Variants in UHRF2 observed in about 807,000 individuals in gnomAD.
UHRF2 encodes ubiquitin like with PHD and ring finger domains 2.
A neutral mutation model predicts 96.8 loss-of-function variants in UHRF2; 23 were observed. The ratio of observed to expected loss-of-function variants is 0.24; its 90% CI spans 0.17 to 0.34. The LOEUF is 0.34. Among genes scored for constraint, UHRF2 ranks in the 10% least tolerant of loss-of-function variants. UHRF2 has a pLI of 1.00. For missense variants in UHRF2, 685 were observed against 981.5 expected, an observed-to-expected ratio of 0.70 and a Z score of 4.04; for synonymous variants, 385 against 332.6, an observed-to-expected ratio of 1.16 and a Z score of -1.72.
At chr9:6,503,958 C>G (rs1395132877) in intron 14 of UHRF2, among the ~76,000 whole-genome samples, 1 of 142,868 alleles carries the variant, frequency 7.0e-6, no homozygotes, top group Non-Finnish European at 1.5e-5. Flanking sequence ...CTTTATATAA[C>G]TTTGCTCTTC....
At chr9:6,459,613 G>C (rs1822401240) in intron 3 of UHRF2, among the ~76,000 whole-genome samples, 2 of 152,182 alleles carry the variant, frequency 1.3e-5, no homozygotes, top group Non-Finnish European at 2.9e-5. Flanking sequence ...AAGTGGCAGT[G>C]AGCTGAGATC....
chr9:6,413,778 G>A, intron 1 of UHRF2, 135 bp downstream of exon 1: 1 of 1,171,244 alleles, frequency 8.5e-7, no homozygotes, highest in Non-Finnish European at 1.1e-6. Flanking sequence ...GGCAGCCCCC[G>A]CGAGGCGCGG....
chr9:6,477,506 A>G (rs949507011), intron 5 of UHRF2, 116 bp from the exon 6 acceptor site: 2 of 974,966 alleles, frequency 2.1e-6, no homozygotes, highest in African/African-American at 3.3e-5. Flanking sequence ...AGCCTGGGTA[A>G]CAAGAGCAAA....
intron 2 of UHRF2, among the ~76,000 whole-genome samples, chr9:6,423,224 C>T (rs1390983169): frequency 1.3e-5 from 2 of 152,106 alleles, no homozygotes; most frequent in Non-Finnish European, 2.9e-5. Flanking sequence ...AAGAAAGTAC[C>T]AGGCTTGGAT....
chr9:6,445,342 C>T (rs977849100), intron 3 of UHRF2, among the ~76,000 whole-genome samples: 1 of 152,108 alleles, frequency 6.6e-6, no homozygotes, highest in Admixed American at 6.5e-5. Context: ...TGACCCACTG[C>T]AACCTCCACC....
intron 3 of UHRF2, among the ~76,000 whole-genome samples, chr9:6,460,064 A>G (rs1488341133): frequency 6.6e-6 from 1 of 152,232 alleles, no homozygotes; most frequent in Non-Finnish European, 1.5e-5. Context: ...CCAGCTAGCA[A>G]TGAACGTCTT....
chr9:6,461,096 C>G (rs564477719), intron 4 of UHRF2, among the ~76,000 whole-genome samples: 4 of 152,204 alleles, frequency 2.6e-5, no homozygotes, highest in South Asian at 2.1e-4. Flanking sequence ...TATATAAAAG[C>G]ATTTTAATAA....
rs35764668 is a variant in UHRF2, at chr9:6,442,652, A to AT, written c.644+8493dup. On this transcript the variant is annotated intron_variant, in intron 3 of 15. Transcript: ENST00000276893. ...CACCACTGTGACCAGTTAATTTTTG[A>AT]TTTTTTTTTTTTTTGGGGGGGTAGA... is the stretch of plus-strand genomic sequence containing the variant. Among the ~76,000 whole-genome samples the AT allele has an allele frequency of 9.6e-3, 1,380 of 144,082 alleles. 37 individuals are homozygous for AT. The highest frequency in any genetic ancestry group is 0.082 in the East Asian group (400 of 4,876). 94.5% of individuals were successfully genotyped at this position (144,082 alleles called of 152,430 possible).
Position 6,459,278 on chromosome 9 carries a change from A to G in UHRF2, c.645-1295A>G, listed in dbSNP as rs569112113. 2.6e-5 allele frequency among the ~76,000 whole-genome samples: 4 copies of G among 152,372 alleles called. No homozygotes were observed. The South Asian group carries it at 8.3e-4, about 32-fold the overall frequency. On this transcript the variant is annotated intron_variant, in intron 3 of 15. Coordinates refer to ENST00000276893, the MANE Select transcript of UHRF2 (RefSeq NM_152896.3). ...TTCAGGGAAAATGGAGACTATCGGA[A>G]TATGCCAGGTTCATGTTCTTATAAG...
chr9:6,439,318 G>C (rs1006153083), intron 3 of UHRF2, among the ~76,000 whole-genome samples: 2 of 152,178 alleles, frequency 1.3e-5, no homozygotes, highest in Non-Finnish European at 2.9e-5. Flanking sequence ...CTGAGACACA[G>C]ATGTGCACCA....
chr9:6,470,236 G>C (rs1178533295), intron 4 of UHRF2, among the ~76,000 whole-genome samples: 1 of 152,030 alleles, frequency 6.6e-6, no homozygotes, highest in Non-Finnish European at 1.5e-5. Context: ...AGCCATACGT[G>C]GTAGTGCACA....
At position 6,477,603 on chromosome 9, in the gene UHRF2, A is replaced by G. The variant is rs772938052; in HGVS notation, c.974-19A>G. 5.7e-6 allele frequency: 9 copies of G among 1,577,164 alleles called. No homozygotes were observed. The highest frequency in any genetic ancestry group is 2.7e-5 in the African/African-American group (2 of 73,472). Reference sequence around the variant, plus strand: ...AAAATGTTTTAAGACTAGACTTGCTATAATTTTGTTCTTAATAGGGCGAAA... The same window carrying G: ...AAAATGTTTTAAGACTAGACTTGCTGTAATTTTGTTCTTAATAGGGCGAAA... On this transcript the variant is annotated intron_variant, in intron 5 of 15. Transcript: ENST00000276893.
intron 3 of UHRF2, among the ~76,000 whole-genome samples, chr9:6,451,502 G>A (rs1368064927): frequency 2.0e-5 from 3 of 150,474 alleles, no homozygotes; most frequent in Non-Finnish European, 3.0e-5. Context: ...TTTTTGAGAC[G>A]GAGTCTCGCT....
chr9:6,417,198 C>T (rs1446205560), intron 1 of UHRF2, among the ~76,000 whole-genome samples: 1 of 152,120 alleles, frequency 6.6e-6, no homozygotes, highest in Non-Finnish European at 1.5e-5. Flanking sequence ...TCTAGTATTC[C>T]CTTGCATCAT....
At chr9:6,443,711 A>G (rs1034094195) in intron 3 of UHRF2, among the ~76,000 whole-genome samples, 2 of 152,236 alleles carry the variant, frequency 1.3e-5, no homozygotes, top group Non-Finnish European at 2.9e-5. Flanking sequence ...GCTTAAACCA[A>G]ATAGGTTCAA....
At chr9:6,492,126 G>A (rs375188028) in intron 9 of UHRF2, among the ~76,000 whole-genome samples, 3 of 152,150 alleles carry the variant, frequency 2.0e-5, no homozygotes, top group Admixed American at 6.5e-5. Context: ...TTTTGTTGAT[G>A]TAATGATTAA....
chr9:6,480,037 A>AT (rs1358530814), intron 6 of UHRF2, among the ~76,000 whole-genome samples: 2 of 152,190 alleles, frequency 1.3e-5, no homozygotes, highest in East Asian at 3.8e-4. Context: ...AATAAAAAAA[A>AT]TCTAAGCCCT....
At chr9:6,463,543 T>C (rs183701018) in intron 4 of UHRF2, among the ~76,000 whole-genome samples, 1 of 151,930 alleles carries the variant, frequency 6.6e-6, no homozygotes, top group African/African-American at 2.4e-5. Flanking sequence ...CAATCCCGGC[T>C]CACTGCAACC....
chr9:6,503,170 A>AT (rs1321420632), intron 14 of UHRF2, among the ~76,000 whole-genome samples: 2 of 151,696 alleles, frequency 1.3e-5, no homozygotes, highest in Non-Finnish European at 2.9e-5. Context: ...AATTTCTTGT[A>AT]TTTTTTTCTA....
Sources: allele counts gnomAD v4.1 joint callset (sites outside exome capture counted in the v4.1 genomes callset), GRCh38; gene constraint gnomAD v4.1.1; transcripts MANE v1.5; gene names NCBI Gene and HGNC (gene_info 2026-07-23, HGNC 2026-07-21).